The following LTK variants were observed in gnomAD, a reference collection of about 807,000 sequenced individuals.
LTK encodes the protein leukocyte tyrosine kinase receptor.
A neutral mutation model predicts 101.5 loss-of-function variants in LTK; 117 were observed. That is an observed-to-expected ratio of 1.15 (90% confidence interval 0.99 to 1.34). The LOEUF (loss-of-function observed/expected upper bound fraction) is 1.34. Ranked by LOEUF, LTK falls within the 40% of genes most tolerant of loss-of-function variation. The pLI is 0.00. For synonymous variants in LTK, 563 were observed against 494.2 expected (o/e 1.14, Z -1.85); for missense variants, 1,252 against 1,164.7 (o/e 1.07, Z -1.09).
At position 41,511,889 on chromosome 15, in the gene LTK, G is replaced by T. The variant is rs751428182; in HGVS notation, c.585C>A (p.Ser195Arg). 1.4e-6 allele frequency: 2 copies of T among 1,475,060 alleles called. No individual in the cohort carries two copies. The highest frequency in any genetic ancestry group is 5.5e-5 in the East Asian group (2 of 36,472). The allele number at this position is 1,475,060 out of a possible 1,614,324, so 91.4% of individuals were successfully genotyped here. A position where few individuals can be genotyped will look rare whatever the true frequency, so the allele number is the denominator to read the frequency against. ...AVEEHAAMDGSEGVPGSRRWA... is the reference protein window; with the variant it reads ...AVEEHAAMDGREGVPGSRRWA... ...AGCGCCGCGACCCCGGGACCCCTTC[G>T]CTCCCATCCATCGCCGCGTGCTCTT... The change falls in exon 5 of 20, where the codon AGC (serine) becomes AGA (arginine). Residue 195 changes from serine (S) to arginine (R), a missense_variant. Coordinates refer to ENST00000263800, the MANE Select transcript of LTK (RefSeq NM_002344.6). This position sits in a 1 kb window ranked among gnomAD's most constrained non-coding sequence, Gnocchi z 5.9.
chr15:41,505,603 G>C, intron 13 of LTK, 73 bp from the exon 14 acceptor site: 1 of 1,607,942 alleles, frequency 6.2e-7, no homozygotes, highest in Non-Finnish European at 8.5e-7. Flanking sequence ...CACAAAGCTG[G>C]AGAGGCCCTC....
chr15:41,511,302 C>T lies in LTK; in HGVS notation c.859G>A (p.Gly287Ser). Residue 287 changes from glycine to serine, a missense_variant, in exon 7 of 20, where the codon GGC becomes AGC. Gly to Ser is a moderately conservative substitution (Grantham distance 56, BLOSUM62 0). Transcript: ENST00000263800. The surrounding 1 kb of genome is among the most constrained non-coding windows in gnomAD (Gnocchi z 5.9). The part of the protein sequence containing the change: ...WTSRAPSPQA[G>S]RSLQEGAEGG... Reference sequence around the variant, plus strand: ...TCCGCCCCCTCCTGCAGTGAGCGGCCGGCCTGCGGAGAGGGAGCCCGCGAC... The same window carrying T: ...TCCGCCCCCTCCTGCAGTGAGCGGCTGGCCTGCGGAGAGGGAGCCCGCGAC... The T allele has an allele frequency of 1.5e-6, 2 of 1,374,054 alleles. No individual in the cohort carries two copies. 85.1% of individuals were successfully genotyped at this position (1,374,054 alleles called of 1,614,324 possible). A position where few individuals can be genotyped will look rare whatever the true frequency, so the allele number is the denominator to read the frequency against.
chr15:41,508,524 T>C (rs1364715800), intron 8 of LTK, among the ~76,000 whole-genome samples: 2 of 151,550 alleles, frequency 1.3e-5, no homozygotes, highest in Non-Finnish European at 2.9e-5. Context: ...ACCACTGCAC[T>C]CCAGCCTGGG....
At chr15:41,513,637 A>G in intron 1 of LTK, 30 bp downstream of exon 1, 1 of 1,609,680 alleles carries the variant, frequency 6.2e-7, no homozygotes. Flanking sequence ...CTCAGGCTGG[A>G]CGGTCCCCTG....
intron 1 of LTK, among the ~76,000 whole-genome samples, chr15:41,513,329 G>A (rs143875312): frequency 6.6e-6 from 1 of 152,178 alleles, no homozygotes; most frequent in African/African-American, 2.4e-5. Context: ...TTCTCTCCTC[G>A]AGCGCCTTTC....
At position 41,512,764 on chromosome 15, in the gene LTK, G is replaced by T. The variant is rs1288638249; in HGVS notation, c.302C>A (p.Ala101Asp). 6.2e-7 allele frequency: 1 copy of T among 1,610,018 alleles called. No homozygotes were observed. The highest frequency in any genetic ancestry group is 1.3e-5 in the African/African-American group (1 of 74,998). ...AGTSVVVTVG[A>D]AGQLRGVQLW... ...CTGCACGCCTCTCAGCTGCCCGGCG[G>T]CCCCCACGGTCACCACCACGCTGGT... The change falls in exon 3 of 20, where the codon GCC becomes GAC. Residue 101 changes from alanine to aspartate, a missense_variant. Physicochemically the swap from Ala to Asp is moderately radical, Grantham distance 126 (BLOSUM62 -2). Transcript: ENST00000263800.
chr15:41,509,027 A>G lies in LTK; in HGVS notation c.1096+4T>C. ...AGGCTCAGAGGTGGGGTTGGGGCCA[A>G]TACCTGCCAGAGGCTGCAGGAAGAG... On this transcript the variant is annotated splice_donor_region_variant and intron_variant, in intron 8 of 19. Coordinates refer to ENST00000263800, the MANE Select transcript of LTK (RefSeq NM_002344.6). 1 of 1,597,860 alleles carries G rather than the reference A, an allele frequency of 6.3e-7. No homozygotes were observed. Among genetic ancestry groups the G allele is most frequent in the Non-Finnish European group, 8.5e-7 (1 of 1,170,824 alleles).
intron 1 of LTK, 74 bp from the exon 2 acceptor site, chr15:41,513,194 G>C (rs890248013): frequency 7.4e-6 from 11 of 1,483,864 alleles, no homozygotes; most frequent in Non-Finnish European, 9.8e-6. Flanking sequence ...AGAGAACCCC[G>C]CAACAGCTGC....
chr15:41,507,661 G>A lies in LTK; in HGVS notation c.1250-4C>T, dbSNP rs775892515. ...GGGCCTGGGGGCTTGTGCAGGTCTA[G>A]GGAGAAAGAGAGACACCTCCAGTGG... On this transcript the variant is annotated splice_polypyrimidine_tract_variant and splice_region_variant and intron_variant, in intron 9 of 19. Transcript: ENST00000263800. The A allele has an allele frequency of 5.0e-6, 8 of 1,611,612 alleles. No individual in the cohort carries two copies. The highest frequency in any genetic ancestry group is 6.8e-6 in the Non-Finnish European group (8 of 1,179,060).
At chr15:41,513,236 C>A in intron 1 of LTK, 116 bp from the exon 2 acceptor site, 1 of 1,232,678 alleles carries the variant, frequency 8.1e-7, no homozygotes, top group South Asian at 1.5e-5. Context: ...CGTCACCCGG[C>A]CCAGCCGCGC....
chr15:41,513,582 G>A, intron 1 of LTK, 85 bp downstream of exon 1: 1 of 1,271,786 alleles, frequency 7.9e-7, no homozygotes, highest in Non-Finnish European at 1.2e-6. Context: ...AGGAACCACT[G>A]ACACCTGGCC....
intron 11 of LTK, among the ~76,000 whole-genome samples, chr15:41,506,597 T>TC (rs980712641): frequency 2.1e-4 from 32 of 150,740 alleles, no homozygotes; most frequent in African/African-American, 6.6e-4. Context: ...CAGATCATAT[T>TC]TTTTTTTTAT....
Position 41,511,581 on chromosome 15 carries a change from G to C in LTK, c.658-3C>G. Reference sequence around the variant, plus strand: ...GGTTCCAGCTCGCCAGCGCGCACCTGTGGGGCCAGCGGCGTGTTCCAGGAA... The same window carrying C: ...GGTTCCAGCTCGCCAGCGCGCACCTCTGGGGCCAGCGGCGTGTTCCAGGAA... On this transcript the variant is annotated splice_region_variant and splice_polypyrimidine_tract_variant and intron_variant, in intron 5 of 19. Transcript: ENST00000263800. The surrounding 1 kb of genome is among the most constrained non-coding windows in gnomAD (Gnocchi z 5.9). 2.1e-6 allele frequency: 3 copies of C among 1,440,824 alleles called. No homozygotes were observed. Among genetic ancestry groups the C allele is most frequent in the Non-Finnish European group, 1.8e-6 (2 of 1,109,200 alleles). 89.3% of individuals were successfully genotyped at this position (1,440,824 alleles called of 1,614,324 possible).
At position 41,511,081 on chromosome 15, in the gene LTK, C is replaced by T. The variant is rs2140727206; in HGVS notation, c.997+83G>A. 7.7e-7 allele frequency: 1 copy of T among 1,291,108 alleles called. No homozygotes were observed. The highest frequency in any genetic ancestry group is 3.1e-5 in the East Asian group (1 of 32,312). 80.0% of individuals were successfully genotyped at this position (1,291,108 alleles called of 1,614,324 possible). A position where few individuals can be genotyped will look rare whatever the true frequency, so the allele number is the denominator to read the frequency against. ...TAATGCCTCTCCCACACCTATCCTC[C>T]CGAGGGCTCCGGCCTGTACTTAGGT... On this transcript the variant is annotated intron_variant, in intron 7 of 19. Transcript: ENST00000263800. The surrounding 1 kb of genome is among the most constrained non-coding windows in gnomAD (Gnocchi z 5.9).
Position 41,504,430 on chromosome 15 carries a change from T to C in LTK, c.2258A>G (p.Tyr753Cys), listed in dbSNP as rs764364561. The C allele has an allele frequency of 1.2e-6, 2 of 1,614,014 alleles. No homozygotes were observed. The highest frequency in any genetic ancestry group is 1.7e-6 in the Non-Finnish European group (2 of 1,180,008). Reference sequence around the variant, plus strand: ...CTGCCAACACTGGGTCATGATGCGGTACCTGGGGAGAGGCAGGAGTTCATG... The same window carrying C: ...CTGCCAACACTGGGTCATGATGCGGCACCTGGGGAGAGGCAGGAGTTCATG... The part of the protein sequence containing the change: ...DPPRGCPGPV[Y>C]RIMTQCWQHE... The change falls in exon 19 of 20, where the codon TAC becomes TGC. Residue 753 changes from tyrosine (Y) to cysteine (C), a missense_variant and splice_region_variant. Transcript: ENST00000263800.
chr15:41,506,147 C>T lies in LTK; in HGVS notation c.1542-142G>A, dbSNP rs80136090. On this transcript the variant is annotated intron_variant, in intron 11 of 19. Transcript: ENST00000263800. ...ACTCTCTCCATACCATGGCATGTCCCCAGGTAGAAGCCCTGCAAGGGTGGT... is the reference window on the plus strand; with the variant it reads ...ACTCTCTCCATACCATGGCATGTCCTCAGGTAGAAGCCCTGCAAGGGTGGT... 3.0e-3 allele frequency: 1,786 copies of T among 601,122 alleles called. 14 individuals carry two copies. The African/African-American group carries it at 0.03, about 10-fold the overall frequency. The allele number at this position is 601,122 out of a possible 1,614,324, so 37.2% of individuals were successfully genotyped here. A position where few individuals can be genotyped will look rare whatever the true frequency, so the allele number is the denominator to read the frequency against.
intron 12 of LTK, 26 bp from the exon 13 acceptor site, chr15:41,505,803 T>C: frequency 3.1e-6 from 5 of 1,612,566 alleles, no homozygotes; most frequent in Non-Finnish European, 4.2e-6. Flanking sequence ...GCACAGTTTC[T>C]GAGCTGCCCT....
At chr15:41,513,217 G>A in intron 1 of LTK, 97 bp from the exon 2 acceptor site, 3 of 1,409,258 alleles carry the variant, frequency 2.1e-6, no homozygotes, top group East Asian at 2.5e-5. Flanking sequence ...TTGCGGTCGC[G>A]GCCACACCCG....
chr15:41,513,405 T>C (rs1437069448), intron 1 of LTK, among the ~76,000 whole-genome samples: 1 of 152,160 alleles, frequency 6.6e-6, no homozygotes, highest in Non-Finnish European at 1.5e-5. Flanking sequence ...TTCCTCAACT[T>C]AGATTGGTGG....
Sources: gnomAD v4.1 joint callset for allele counts (sites outside exome capture counted in the v4.1 genomes callset) on GRCh38, gnomAD v4.1.1 for gene constraint, Gnocchi (gnomAD v3.1) non-coding constraint, MANE v1.5 for transcripts, NCBI Gene and HGNC (gene_info 2026-07-23, HGNC 2026-07-21) for gene names.